KLF12: variants seen among roughly 807,000 people sequenced by gnomAD.
KLF12 encodes the protein KLF transcription factor 12.
Under a neutral mutation model 37.8 loss-of-function variants are expected in KLF12, and 9 were observed. That is an observed-to-expected ratio of 0.24 (90% CI 0.14 to 0.42). The LOEUF is 0.42. Among genes scored for constraint, KLF12 ranks in the 10% least tolerant of loss-of-function variants. KLF12 has a pLI of 1.00. For missense variants in KLF12, 411 were observed against 516.0 expected, an observed-to-expected ratio of 0.80 and a Z score of 1.97; for synonymous variants, 208 against 202.1, an observed-to-expected ratio of 1.03 and a Z score of -0.25.
At chr13:74,225,268 C>T in the KLF12 span, among the ~76,000 whole-genome samples, 6 of 152,116 alleles carry the variant, frequency 3.9e-5, no homozygotes, top group South Asian at 2.1e-4. Flanking sequence ...ACCACCTCTA[C>T]GAAGAAGATA....
At chr13:74,268,629 G>A in the KLF12 span, among the ~76,000 whole-genome samples, 2 of 152,140 alleles carry the variant, frequency 1.3e-5, no homozygotes, top group Non-Finnish European at 2.9e-5. Flanking sequence ...CTCCTGTTCA[G>A]GAGAGCAGTA....
At chr13:73,894,054 T>A (rs1004068290) in intron 3 of KLF12, among the ~76,000 whole-genome samples, 1 of 152,058 alleles carries the variant, frequency 6.6e-6, no homozygotes, top group African/African-American at 2.4e-5. Context: ...CCCGAGTTAG[T>A]GAGAGACAGG....
intron 2 of KLF12, among the ~76,000 whole-genome samples, chr13:73,955,773 C>G (rs995216305): frequency 1.3e-5 from 2 of 152,184 alleles, no homozygotes; most frequent in Non-Finnish European, 1.5e-5. Flanking sequence ...CCCTGGAAAA[C>G]TTTCAAAATT....
the KLF12 span, among the ~76,000 whole-genome samples, chr13:74,149,483 A>G: frequency 4.6e-5 from 7 of 152,222 alleles, no homozygotes; most frequent in African/African-American, 1.7e-4. Flanking sequence ...AGCAAGCCCT[A>G]TTGACTTCTT....
chr13:73,815,056 A>AT (rs1555309362), intron 4 of KLF12, among the ~76,000 whole-genome samples: 20 of 151,700 alleles, frequency 1.3e-4, no homozygotes, highest in African/African-American at 3.4e-4. Context: ...AAAAAAAAAA[A>AT]TCACTGTCAT....
chr13:74,262,667 A>AT, the KLF12 span, among the ~76,000 whole-genome samples: 7 of 151,908 alleles, frequency 4.6e-5, no homozygotes, highest in African/African-American at 1.2e-4. Context: ...TACAAACACA[A>AT]TTTTTTTTGA....
chr13:73,755,741 C>A (rs1594053298), intron 6 of KLF12, among the ~76,000 whole-genome samples: 1 of 151,666 alleles, frequency 6.6e-6, no homozygotes, highest in African/African-American at 2.4e-5. Flanking sequence ...TACACTGTAC[C>A]CTCACCACCC....
Position 73,692,391 on chromosome 13 carries a change from C to T in KLF12, c.*3099G>A, listed in dbSNP as rs145647084. 6.5e-6 allele frequency: 1 copy of T among 152,734 alleles called. No individual in the cohort carries two copies. The highest frequency in any genetic ancestry group is 2.4e-5 in the African/African-American group (1 of 41,596). The allele number at this position is 152,734 out of a possible 1,614,324, so 9.5% of individuals were successfully genotyped here. ...TACTGCAAACAGAAAATCAGGTCTA[C>T]TGCAGCTGCTTAAGTAGTTAATGGC... On this transcript the variant is annotated 3_prime_UTR_variant, in exon 8 of 8. Coordinates refer to ENST00000377669, the MANE Select transcript of KLF12 (RefSeq NM_007249.5).
intron 5 of KLF12, among the ~76,000 whole-genome samples, chr13:73,808,880 G>A (rs1882784413): frequency 6.6e-6 from 1 of 152,134 alleles, no homozygotes. Flanking sequence ...CAGAAAGGCT[G>A]GCCCAGGGCA....
chr13:74,114,788 T>C lies in KLF12; in HGVS notation c.-32+18951A>G, dbSNP rs79437160. ...GGGTTTAAAGGAGCATAACGTGCTATTTCATACACATGTCCCCCTCCCTCT... is the reference window on the plus strand; with the variant it reads ...GGGTTTAAAGGAGCATAACGTGCTACTTCATACACATGTCCCCCTCCCTCT... On this transcript the variant is annotated intron_variant, in intron 1 of 7. Coordinates refer to ENST00000377669, the MANE Select transcript of KLF12 (RefSeq NM_007249.5). Among the ~76,000 whole-genome samples, 166 of 152,336 alleles carry C rather than the reference T, an allele frequency of 1.1e-3. 1 individual carries two copies. Among genetic ancestry groups the C allele is most frequent in the African/African-American group, 3.9e-3 (161 of 41,576 alleles).
intron 3 of KLF12, among the ~76,000 whole-genome samples, chr13:73,901,371 A>G (rs985317478): frequency 6.6e-6 from 1 of 152,206 alleles, no homozygotes; most frequent in African/African-American, 2.4e-5. Context: ...TCAACTTTAG[A>G]ACACAGATGT....
At chr13:74,238,654 C>T in the KLF12 span, among the ~76,000 whole-genome samples, 1 of 147,484 alleles carries the variant, frequency 6.8e-6, no homozygotes, top group African/African-American at 2.6e-5. Flanking sequence ...CAACTTCTTC[C>T]TGGTTTAGTC....
At chr13:73,904,123 A>T (rs1035363301) in intron 3 of KLF12, among the ~76,000 whole-genome samples, 6 of 152,230 alleles carry the variant, frequency 3.9e-5, no homozygotes, top group South Asian at 2.1e-4. Flanking sequence ...CTGGAAAGCA[A>T]GGCTAGCAAT....
At chr13:74,089,748 T>A (rs9530277) in intron 1 of KLF12, among the ~76,000 whole-genome samples, 29 of 126,886 alleles carry the variant, frequency 2.3e-4, no homozygotes, top group African/African-American at 2.8e-4. Context: ...AAAAAAAACA[T>A]AAATCAAACT....
At chr13:73,914,741 T>C (rs920784208) in intron 3 of KLF12, among the ~76,000 whole-genome samples, 4 of 152,132 alleles carry the variant, frequency 2.6e-5, no homozygotes, top group Non-Finnish European at 5.9e-5. Context: ...AAAAATATAG[T>C]TTCTTTAGTA....
intron 1 of KLF12, among the ~76,000 whole-genome samples, chr13:74,106,759 A>G (rs549648098): frequency 1.3e-5 from 2 of 152,226 alleles, no homozygotes; most frequent in Non-Finnish European, 2.9e-5. Flanking sequence ...CTCTATTTGC[A>G]AAGACAGTAA....
chr13:74,091,686 A>T (rs1435402027), intron 1 of KLF12, among the ~76,000 whole-genome samples: 1 of 127,554 alleles, frequency 7.8e-6, no homozygotes, highest in Non-Finnish European at 1.8e-5. Context: ...CAGGAAGAGC[A>T]CAGGGGATTT....
At chr13:73,751,860 G>A (rs937529053) in intron 6 of KLF12, among the ~76,000 whole-genome samples, 3 of 152,122 alleles carry the variant, frequency 2.0e-5, no homozygotes, top group African/African-American at 7.2e-5. Context: ...ATTTTACAAT[G>A]GGCTGCTGAC....
chr13:74,049,123 A>C (rs1394677362), intron 1 of KLF12, among the ~76,000 whole-genome samples: 3 of 152,216 alleles, frequency 2.0e-5, no homozygotes, highest in African/African-American at 4.8e-5. Context: ...TGTCCTTCTC[A>C]GCCCCAGAAG....
Sources: gnomAD v4.1 joint callset for allele counts (sites outside exome capture counted in the v4.1 genomes callset) on GRCh38, gnomAD v4.1.1 for gene constraint, MANE v1.5 for transcripts, NCBI Gene and HGNC (gene_info 2026-07-23, HGNC 2026-07-21) for gene names.